SIRT1: variants seen among roughly 807,000 people sequenced by gnomAD.
SIRT1 encodes the protein NAD-dependent protein deacetylase sirtuin-1.
Under a neutral mutation model 67.9 loss-of-function variants are expected in SIRT1, and 24 were observed. The ratio of observed to expected loss-of-function variants is 0.35; its 90% CI spans 0.26 to 0.50. SIRT1 has a LOEUF of 0.50. Among genes scored for constraint, SIRT1 ranks in the 20% least tolerant of loss-of-function variants. The pLI is 0.98. For synonymous variants in SIRT1, 378 were observed against 350.7 expected, an observed-to-expected ratio of 1.08 and a Z score of -0.87; for missense variants, 873 against 937.2, an observed-to-expected ratio of 0.93 and a Z score of 0.89.
chr10:67,915,076 G>A (rs1169557377), intron 8 of SIRT1, among the ~76,000 whole-genome samples: 1 of 151,950 alleles, frequency 6.6e-6, no homozygotes, highest in Admixed American at 6.6e-5. Context: ...GTAATAGAGG[G>A]AAATAAGTGG....
intron 4 of SIRT1, among the ~76,000 whole-genome samples, chr10:67,898,072 C>G (rs1215851606): frequency 2.9e-4 from 43 of 147,502 alleles, no homozygotes; most frequent in South Asian, 1.1e-3. Context: ...CCAGCCTGAC[C>G]AACATGGTGA....
chr10:67,913,429 C>T (rs907256595), intron 8 of SIRT1, among the ~76,000 whole-genome samples: 1 of 152,178 alleles, frequency 6.6e-6, no homozygotes, highest in African/African-American at 2.4e-5. Context: ...TGCACAGTAA[C>T]TACTAAGAAG....
rs1222525974 is a variant in SIRT1, at chr10:67,884,664, C to A, written c.-58C>A. On this transcript the variant is annotated 5_prime_UTR_variant, in exon 1 of 9. Coordinates refer to ENST00000212015, the MANE Select transcript of SIRT1 (RefSeq NM_012238.5). ...GCCGGAGCCGCGGGGGCGCCAGTGC[C>A]GCGCGTCGAGCGGGAGCAGAGGAGG... The A allele has an allele frequency of 2.4e-5, 29 of 1,224,428 alleles. No homozygotes were observed. The highest frequency in any genetic ancestry group is 3.2e-5 in the East Asian group (1 of 31,364). The allele number at this position is 1,224,428 out of a possible 1,614,324, so 75.8% of individuals were successfully genotyped here. A position where few individuals can be genotyped will look rare whatever the true frequency, so the allele number is the denominator to read the frequency against.
At position 67,906,862 on chromosome 10, in the gene SIRT1, C is replaced by T. The variant is rs1842827744; in HGVS notation, c.1015C>T (p.Leu339=). 6.2e-7 allele frequency: 1 copy of T among 1,613,118 alleles called. No homozygotes were observed. ...AGCCTTGTCAGATAAGGAAGGAAAA[C>T]TACTTCGCAACTATACCCAGAACAT... ...FIALSDKEGK[L]LRNYTQNIDT... is the part of the protein sequence containing the mutation. The change falls in exon 5 of 9, where the codon CTA becomes TTA. Residue 339 remains leucine, a synonymous_variant. Transcript: ENST00000212015.
chr10:67,912,894 A>G lies in SIRT1; in HGVS notation c.1778A>G (p.Glu593Gly), dbSNP rs1842921388. The change falls in exon 8 of 9, where the codon GAA becomes GGA. Residue 593 changes from glutamate to glycine, a missense_variant. Glu to Gly is a moderately conservative substitution (Grantham distance 98). Coordinates refer to ENST00000212015, the MANE Select transcript of SIRT1 (RefSeq NM_012238.5). ...TCTAGGAATGTTGAAAGTATTGCTG[A>G]ACAGATGGAAAATCCGGATTTGAAG... ...QTSRNVESIA[E>G]QMENPDLKNV... 2 of 1,614,062 alleles carry G rather than the reference A, an allele frequency of 1.2e-6. No homozygotes were observed.
At chr10:67,898,137 T>C (rs1263308985) in intron 4 of SIRT1, among the ~76,000 whole-genome samples, 2 of 150,568 alleles carry the variant, frequency 1.3e-5, no homozygotes, top group East Asian at 3.9e-4. Context: ...GCGCATGCTG[T>C]AATCCCAGCT....
rs2131841992 is a variant in SIRT1, at chr10:67,885,052, T to C, written c.331T>C (p.Ser111Pro). 4.9e-6 allele frequency: 7 copies of C among 1,428,656 alleles called. No individual in the cohort carries two copies. Among genetic ancestry groups the C allele is most frequent in the Non-Finnish European group, 6.5e-6 (7 of 1,083,700 alleles). The allele number at this position is 1,428,656 out of a possible 1,614,324, so 88.5% of individuals were successfully genotyped here. The change falls in exon 1 of 9, where the codon TCT (serine) becomes CCT (proline). Residue 111 changes from serine to proline, a missense_variant. This residue lies in a region of SIRT1 where 327 missense variants were observed against 283.9 expected (regional missense o/e 1.15). Transcript: ENST00000212015. ...GDNGPGLQGPSREPPLADNLY... is the reference protein window; with the variant it reads ...GDNGPGLQGPPREPPLADNLY... ...CAATGGGCCGGGCCTGCAGGGCCCA[T>C]CTCGGGAGCCACCGCTGGCCGACAA...
Position 67,903,916 on chromosome 10 carries a change from A to G in SIRT1, c.943-2874A>G, listed in dbSNP as rs546866269. The stretch of plus-strand genomic sequence containing the variant: ...ATTGGTTGCTTAAAAAGGCTTTAGG[A>G]TATTCAAACTGGGTGGCCTGTCTTG... On this transcript the variant is annotated intron_variant, in intron 4 of 8. Coordinates refer to ENST00000212015, the MANE Select transcript of SIRT1 (RefSeq NM_012238.5). Among the ~76,000 whole-genome samples, 106 of 150,490 alleles carry G rather than the reference A, an allele frequency of 7.0e-4. 1 individual carries two copies. The highest frequency in any genetic ancestry group is 1.0e-4 in the Non-Finnish European group (7 of 68,014).
chr10:67,889,883 T>G (rs931673495), intron 3 of SIRT1, among the ~76,000 whole-genome samples: 2 of 152,190 alleles, frequency 1.3e-5, no homozygotes, highest in African/African-American at 4.8e-5. Context: ...GATGAAACAA[T>G]AACTTCTGAA....
chr10:67,911,673 GTCCT>G (rs1005289538), intron 7 of SIRT1, among the ~76,000 whole-genome samples: 1 of 114,378 alleles, frequency 8.7e-6, no homozygotes, highest in Non-Finnish European at 1.6e-5. Flanking sequence ...CCTTCTGTTA[GTCCT>G]TCCTTCTGTC....
chr10:67,892,447 C>T (rs1842588347), intron 4 of SIRT1, among the ~76,000 whole-genome samples: 1 of 151,978 alleles, frequency 6.6e-6, no homozygotes, highest in Non-Finnish European at 1.5e-5. Flanking sequence ...GTGGTGTGCA[C>T]CTGTAGACCC....
chr10:67,910,258 C>A (rs965609309), intron 7 of SIRT1, among the ~76,000 whole-genome samples: 2 of 151,976 alleles, frequency 1.3e-5, no homozygotes, highest in African/African-American at 4.8e-5. Context: ...ACATGTAGTC[C>A]CAGCTACTTG....
chr10:67,896,490 G>A (rs1842660185), intron 4 of SIRT1, among the ~76,000 whole-genome samples: 1 of 152,060 alleles, frequency 6.6e-6, no homozygotes, highest in Non-Finnish European at 1.5e-5. Context: ...GTGCGTTGTA[G>A]GATGTTTGGC....
chr10:67,897,948 C>CT (rs1193148620), intron 4 of SIRT1, among the ~76,000 whole-genome samples: 8,498 of 108,794 alleles, frequency 0.078, 422 homozygotes, highest in East Asian at 0.25. Context: ...TATAAAATAA[C>CT]TTTTTTTTTT....
chr10:67,899,671 G>A (rs1842711459), intron 4 of SIRT1, among the ~76,000 whole-genome samples: 1 of 152,098 alleles, frequency 6.6e-6, no homozygotes, highest in Admixed American at 6.6e-5. Flanking sequence ...ATTTTTCAAA[G>A]AAGGCTGTGT....
At chr10:67,909,862 C>T (rs931957762) in intron 7 of SIRT1, among the ~76,000 whole-genome samples, 1 of 151,350 alleles carries the variant, frequency 6.6e-6, no homozygotes, top group Non-Finnish European at 1.5e-5. Flanking sequence ...GGCATGAGCC[C>T]CCATGCCTGG....
At chr10:67,887,017 A>G (rs547456800) in intron 1 of SIRT1, among the ~76,000 whole-genome samples, 1 of 152,138 alleles carries the variant, frequency 6.6e-6, no homozygotes, top group South Asian at 2.1e-4. Context: ...GATTACAGGC[A>G]TGCGCCACCA....
At chr10:67,902,268 C>T (rs964695520) in intron 4 of SIRT1, among the ~76,000 whole-genome samples, 4 of 152,160 alleles carry the variant, frequency 2.6e-5, no homozygotes, top group Non-Finnish European at 4.4e-5. Context: ...GGATTACAGG[C>T]GTGAGCCACC....
Position 67,916,635 on chromosome 10 carries a change from AG to A in SIRT1, c.*44del. On this transcript the variant is annotated 3_prime_UTR_variant, in exon 9 of 9. Transcript: ENST00000212015. ...GTACAGGAATTGTTCCACCAGCATT[AG>A]GAACTTTAGCATGTCAAAATGAATG... is the stretch of plus-strand genomic sequence containing the variant. 1.3e-6 allele frequency: 2 copies of A among 1,508,754 alleles called. No individual in the cohort carries two copies. The highest frequency in any genetic ancestry group is 1.8e-6 in the Non-Finnish European group (2 of 1,109,340). 93.5% of individuals were successfully genotyped at this position (1,508,754 alleles called of 1,614,324 possible). A position where few individuals can be genotyped will look rare whatever the true frequency, so the allele number is the denominator to read the frequency against.
Sources: allele counts gnomAD v4.1 joint callset (sites outside exome capture counted in the v4.1 genomes callset), GRCh38; gene constraint gnomAD v4.1.1; regional missense constraint gnomAD v4.1.1; transcripts MANE v1.5; gene names NCBI Gene and HGNC (gene_info 2026-07-23, HGNC 2026-07-21).